The following UBAC2 variants were observed in gnomAD, a reference collection of about 807,000 sequenced individuals.
UBAC2 encodes ubiquitin-associated domain-containing protein 2.
In UBAC2, 26 loss-of-function variants were observed where a neutral mutation model predicts 44.0. That is an observed-to-expected ratio of 0.59 (90% CI 0.43 to 0.82). The LOEUF (loss-of-function observed/expected upper bound fraction) is 0.82. Ranked by LOEUF, UBAC2 falls within the 40% of genes least tolerant of loss-of-function variation. UBAC2 has a pLI of 0.00. For missense variants in UBAC2, 329 were observed against 419.4 expected, an observed-to-expected ratio of 0.78 and a Z score of 1.88; for synonymous variants, 155 against 154.3, an observed-to-expected ratio of 1.00 and a Z score of -0.04.
chr13:99,224,312 A>G (rs980995141), intron 1 of UBAC2, among the ~76,000 whole-genome samples: 5 of 152,124 alleles, frequency 3.3e-5, no homozygotes, highest in African/African-American at 1.2e-4. Flanking sequence ...TTATGACCTC[A>G]CTTAACCTTA....
chr13:99,240,000 G>C (rs1176401253), intron 2 of UBAC2, among the ~76,000 whole-genome samples: 3 of 152,040 alleles, frequency 2.0e-5, no homozygotes, highest in African/African-American at 7.3e-5. Context: ...AGAGGGAAGG[G>C]CATTTTACTT....
chr13:99,246,669 A>T (rs2043387292), intron 4 of UBAC2, among the ~76,000 whole-genome samples: 1 of 152,228 alleles, frequency 6.6e-6, no homozygotes, highest in Non-Finnish European at 1.5e-5. Flanking sequence ...TAACTAGTAC[A>T]TAAAAAGATT....
chr13:99,282,859 T>C (rs9513588), intron 4 of UBAC2, among the ~76,000 whole-genome samples: 38,543 of 152,144 alleles, frequency 0.25, 6,077 homozygotes, highest in Non-Finnish European at 0.35. Flanking sequence ...ATCTCATACC[T>C]GTCTTAGGGT....
intron 1 of UBAC2, among the ~76,000 whole-genome samples, chr13:99,218,735 TTC>T (rs2043023944): frequency 6.6e-6 from 1 of 152,166 alleles, no homozygotes; most frequent in Non-Finnish European, 1.5e-5. Flanking sequence ...AGTGTTTTAC[TTC>T]TAAACACTGT....
intron 4 of UBAC2, among the ~76,000 whole-genome samples, chr13:99,280,521 G>A (rs994741402): frequency 1.3e-5 from 2 of 152,028 alleles, no homozygotes; most frequent in African/African-American, 4.8e-5. Context: ...CTTCCTTCTT[G>A]CTCCCAGTTA....
At chr13:99,228,796 C>A (rs74112022) in intron 1 of UBAC2, among the ~76,000 whole-genome samples, 109 of 152,268 alleles carry the variant, frequency 7.2e-4, no homozygotes, top group African/African-American at 2.6e-3. Flanking sequence ...TTCCGTGGAG[C>A]CTTGTTTGCA....
intron 4 of UBAC2, among the ~76,000 whole-genome samples, chr13:99,310,368 C>T (rs944490431): frequency 4.6e-5 from 7 of 152,180 alleles, no homozygotes; most frequent in Non-Finnish European, 7.3e-5. Flanking sequence ...ATGTTTATAA[C>T]CTGCTTTCTC....
intron 6 of UBAC2, among the ~76,000 whole-genome samples, chr13:99,336,033 A>G (rs887043983): frequency 6.6e-6 from 1 of 151,702 alleles, no homozygotes; most frequent in Non-Finnish European, 1.5e-5. Context: ...TGGATGTTAG[A>G]GGAGCTTTAC....
intron 4 of UBAC2, among the ~76,000 whole-genome samples, chr13:99,290,685 A>G (rs1304394987): frequency 1.3e-5 from 2 of 150,552 alleles, no homozygotes; most frequent in Non-Finnish European, 1.5e-5. Flanking sequence ...AGATTGCGCC[A>G]CTGCACTCCA....
intron 6 of UBAC2, among the ~76,000 whole-genome samples, chr13:99,329,424 GAT>G (rs1217016887): frequency 6.6e-6 from 1 of 152,214 alleles, no homozygotes; most frequent in Non-Finnish European, 1.5e-5. Context: ...TGTTTCCACA[GAT>G]TCTTTTACAC....
intron 2 of UBAC2, among the ~76,000 whole-genome samples, chr13:99,241,759 T>C (rs1473095620): frequency 3.3e-5 from 5 of 151,026 alleles, no homozygotes; most frequent in Non-Finnish European, 7.4e-5. Context: ...TTTTTTTTAT[T>C]GATCATTCTT....
chr13:99,250,336 G>C (rs2043442146), intron 4 of UBAC2, among the ~76,000 whole-genome samples: 1 of 152,132 alleles, frequency 6.6e-6, no homozygotes, highest in Non-Finnish European at 1.5e-5. Flanking sequence ...CCACTGTTTA[G>C]TTTTGTGAAC....
chr13:99,340,410 C>G lies in UBAC2; in HGVS notation c.652C>G (p.Leu218Val). 6.2e-7 allele frequency: 1 copy of G among 1,614,228 alleles called. No individual in the cohort carries two copies. Among genetic ancestry groups the G allele is most frequent in the Non-Finnish European group, 8.5e-7 (1 of 1,180,038 alleles). The change falls in exon 7 of 9, where the codon CTT becomes GTT. Residue 218 changes from leucine to valine, a missense_variant. Physicochemically the swap from Leu to Val is conservative, Grantham distance 32. Transcript: ENST00000403766. ...SWMAKFFSWTLEPIFSSSEPT... is the reference protein window; with the variant it reads ...SWMAKFFSWTVEPIFSSSEPT... ...GATGGCAAAATTCTTTTCTTGGACA[C>G]TTGAACCCATCTTCTCTTCTTCAGA...
At chr13:99,276,378 C>T (rs563173775) in intron 4 of UBAC2, among the ~76,000 whole-genome samples, 30 of 152,190 alleles carry the variant, frequency 2.0e-4, no homozygotes, top group Non-Finnish European at 3.1e-4. Context: ...AAGGTCTGTA[C>T]CCCCACCAGG....
intron 4 of UBAC2, among the ~76,000 whole-genome samples, chr13:99,254,282 AG>A (rs2043500699): frequency 6.6e-6 from 1 of 152,216 alleles, no homozygotes; most frequent in African/African-American, 2.4e-5. Flanking sequence ...AGTCCTAAAT[AG>A]GGTTTGGTGC....
At chr13:99,357,448 C>A (rs2045203723) in intron 7 of UBAC2, among the ~76,000 whole-genome samples, 1 of 152,212 alleles carries the variant, frequency 6.6e-6, no homozygotes, top group Non-Finnish European at 1.5e-5. Flanking sequence ...CTTTTCAGGG[C>A]CATAGGAAAT....
chr13:99,358,531 A>T (rs1464962202), intron 7 of UBAC2, among the ~76,000 whole-genome samples: 9 of 152,222 alleles, frequency 5.9e-5, no homozygotes, highest in Non-Finnish European at 1.2e-4. Flanking sequence ...ATCTATATTT[A>T]TGTTAGCAAG....
At chr13:99,338,064 T>TA (rs2044825058) in intron 6 of UBAC2, among the ~76,000 whole-genome samples, 3 of 100,556 alleles carry the variant, frequency 3.0e-5, no homozygotes, top group East Asian at 2.9e-4. Context: ...TTTTTTTTTT[T>TA]TTTTTTTTTT....
chr13:99,216,170 C>T (rs982220462), intron 1 of UBAC2, among the ~76,000 whole-genome samples: 3 of 151,812 alleles, frequency 2.0e-5, no homozygotes, highest in Admixed American at 6.6e-5. Context: ...GGTGCAATCT[C>T]GGCTCACTGC....
Sources: allele counts gnomAD v4.1 joint callset (sites outside exome capture counted in the v4.1 genomes callset), GRCh38; gene constraint gnomAD v4.1.1; transcripts MANE v1.5; gene names NCBI Gene and HGNC (gene_info 2026-07-23, HGNC 2026-07-21).